NR2C1: variants seen among roughly 807,000 people sequenced by gnomAD.
The protein encoded by NR2C1 is TR2 nuclear hormone receptor.
A neutral mutation model predicts 74.8 loss-of-function variants in NR2C1; 33 were observed. The ratio of observed to expected loss-of-function variants is 0.44; its 90% CI spans 0.33 to 0.59. The LOEUF is 0.59. NR2C1 is among the 20% of genes least tolerant of loss of function. NR2C1 has a pLI of 0.02. For synonymous variants in NR2C1, 225 were observed against 240.6 expected (o/e 0.94, Z 0.60); for missense variants, 568 against 715.6 (o/e 0.79, Z 2.35).
intron 2 of NR2C1, among the ~76,000 whole-genome samples, chr12:95,065,013 G>A (rs1311953498): frequency 1.3e-5 from 2 of 152,108 alleles, no homozygotes; most frequent in Non-Finnish European, 2.9e-5. Flanking sequence ...ACTGCTCCTG[G>A]GTTGAAACAT....
At chr12:95,029,832 C>T (rs1354774363) in intron 11 of NR2C1, among the ~76,000 whole-genome samples, 4 of 152,168 alleles carry the variant, frequency 2.6e-5, no homozygotes, top group African/African-American at 4.8e-5. Flanking sequence ...GCTGGGATTA[C>T]AGGCGTGAGC....
chr12:95,057,831 A>C lies in NR2C1; in HGVS notation c.592T>G (p.Ser198Ala). Residue 198 changes from serine to alanine, a missense_variant, in exon 6 of 14, where the codon TCC becomes GCC. Coordinates refer to ENST00000333003, the MANE Select transcript of NR2C1 (RefSeq NM_003297.4). ...KPIEVSREKS[S>A]NCAASTEKIY... Reference sequence around the variant, plus strand: ...TTTTCTGTTGAAGCGGCACAGTTGGAAGATTTTTCTCGTGATACTTCAATG... The same window carrying C: ...TTTTCTGTTGAAGCGGCACAGTTGGCAGATTTTTCTCGTGATACTTCAATG... 6.2e-7 allele frequency: 1 copy of C among 1,614,080 alleles called. No individual in the cohort carries two copies. The highest frequency in any genetic ancestry group is 8.5e-7 in the Non-Finnish European group (1 of 1,179,940).
At chr12:95,045,014 G>A (rs1368147911) in intron 9 of NR2C1, among the ~76,000 whole-genome samples, 2 of 152,132 alleles carry the variant, frequency 1.3e-5, no homozygotes, top group African/African-American at 4.8e-5. Flanking sequence ...GACCAGCCTG[G>A]GCAACATAGT....
At chr12:95,024,211 TAATAA>T (rs1168270304) in intron 13 of NR2C1, among the ~76,000 whole-genome samples, 1 of 151,896 alleles carries the variant, frequency 6.6e-6, no homozygotes, top group African/African-American at 2.4e-5. Flanking sequence ...TATGCCAAAC[TAATAA>T]AATGTTTTAT....
chr12:95,067,617 T>C (rs1271483283), intron 1 of NR2C1, among the ~76,000 whole-genome samples: 1 of 151,588 alleles, frequency 6.6e-6, no homozygotes, highest in African/African-American at 2.4e-5. Flanking sequence ...GGCTGGAGTG[T>C]AGGGGGCACC....
intron 4 of NR2C1, among the ~76,000 whole-genome samples, chr12:95,058,784 C>T (rs1480340328): frequency 1.3e-5 from 2 of 152,046 alleles, no homozygotes; most frequent in Admixed American, 1.3e-4. Context: ...GCCACCACAC[C>T]CGACCAGTTT....
At chr12:95,069,461 G>A (rs754204235) in intron 1 of NR2C1, among the ~76,000 whole-genome samples, 25 of 152,144 alleles carry the variant, frequency 1.6e-4, no homozygotes, top group Non-Finnish European at 1.5e-5. Flanking sequence ...TGTTAAAACT[G>A]CCTACAGTAC....
rs1282445697 is a variant in NR2C1 at position 95,057,584 on chromosome 12, G to A, written c.752C>T (p.Thr251Ile). Residue 251 changes from threonine to isoleucine, a missense_variant, in exon 7 of 14, where the codon ACT becomes ATT. Around this residue, in one of 6 missense-constraint regions of NR2C1, gnomAD observed 239 missense variants for 232.3 expected, o/e 1.03. Coordinates refer to ENST00000333003, the MANE Select transcript of NR2C1 (RefSeq NM_003297.4). ...FMNIHPSGVK[T>I]ESAVLMTSDK... is the part of the protein sequence containing the mutation. ...TGATGTCATCAGCACAGCTGACTCAGTTTTTACTCCAGATGGATGAATATT... is the reference window on the plus strand; with the variant it reads ...TGATGTCATCAGCACAGCTGACTCAATTTTTACTCCAGATGGATGAATATT... The A allele has an allele frequency of 1.2e-6, 2 of 1,613,866 alleles. No homozygotes were observed. Among genetic ancestry groups the A allele is most frequent in the Non-Finnish European group, 1.7e-6 (2 of 1,179,900 alleles).
intron 9 of NR2C1, among the ~76,000 whole-genome samples, chr12:95,043,415 G>T (rs1871853696): frequency 6.6e-6 from 1 of 152,112 alleles, no homozygotes; most frequent in African/African-American, 2.4e-5. Context: ...AAGGCTAGGC[G>T]TGGTGGCTCA....
intron 9 of NR2C1, among the ~76,000 whole-genome samples, chr12:95,042,292 G>C (rs1030104028): frequency 6.8e-6 from 1 of 147,784 alleles, no homozygotes; most frequent in Non-Finnish European, 1.5e-5. Flanking sequence ...CGTGATCTCA[G>C]CTCTCTGCCC....
chr12:95,070,215 T>A (rs965786486), intron 1 of NR2C1, among the ~76,000 whole-genome samples: 1 of 152,186 alleles, frequency 6.6e-6, no homozygotes, highest in Non-Finnish European at 1.5e-5. Context: ...CACTACAACC[T>A]CTGCCTCCCA....
At chr12:95,060,005 A>G (rs1203416500) in intron 3 of NR2C1, 21 bp from the exon 4 acceptor site, 4 of 1,506,698 alleles carry the variant, frequency 2.7e-6, no homozygotes, top group South Asian at 1.2e-5. Context: ...AAAAAAAAAA[A>G]AAGAAAACAA....
intron 7 of NR2C1, 125 bp from the exon 8 acceptor site, chr12:95,052,068 T>A: frequency 1.8e-6 from 1 of 568,402 alleles, no homozygotes; most frequent in Non-Finnish European, 2.9e-6. Flanking sequence ...CCTGGAAAGT[T>A]AAAGGGCTGA....
Position 95,057,749 on chromosome 12 carries a change from G to A in NR2C1, c.674C>T (p.Thr225Ile). The part of the protein sequence containing the change: ...SPLTATPTFV[T>I]DSESTRSTGL... The stretch of plus-strand genomic sequence containing the variant: ...ACTTTACCTTGTACTTTCACTATCT[G>A]TTACAAAAGTTGGAGTTGCAGTTAA... Residue 225 changes from threonine (T) to isoleucine (I), a missense_variant, in exon 6 of 14, where the codon ACA becomes ATA. Coordinates refer to ENST00000333003, the MANE Select transcript of NR2C1 (RefSeq NM_003297.4). The A allele has an allele frequency of 6.2e-7, 1 of 1,614,040 alleles. No individual in the cohort carries two copies. The highest frequency in any genetic ancestry group is 8.5e-7 in the Non-Finnish European group (1 of 1,179,984).
At chr12:95,037,878 G>C (rs571023213) in intron 10 of NR2C1, among the ~76,000 whole-genome samples, 8 of 134,808 alleles carry the variant, frequency 5.9e-5, no homozygotes, top group African/African-American at 2.2e-4. Flanking sequence ...CTGGGCGACA[G>C]AGCGAGCCTC....
At chr12:95,039,073 C>CA (rs200877318) in intron 10 of NR2C1, among the ~76,000 whole-genome samples, 7 of 151,512 alleles carry the variant, frequency 4.6e-5, no homozygotes, top group East Asian at 3.9e-4. Context: ...ATCTCTTAAA[C>CA]AAAAAAAACC....
At chr12:95,048,924 C>T (rs1872638492) in intron 9 of NR2C1, 144 bp downstream of exon 9, 2 of 768,488 alleles carry the variant, frequency 2.6e-6, no homozygotes, top group Non-Finnish European at 4.1e-6. Context: ...GTGCCTGGCC[C>T]AGATGAGTGT....
intron 3 of NR2C1, among the ~76,000 whole-genome samples, chr12:95,061,640 G>C (rs956802027): frequency 6.6e-6 from 1 of 152,012 alleles, no homozygotes. Flanking sequence ...ACAAAATTTC[G>C]TGTTTTATGA....
At chr12:95,060,667 A>C (rs1019397444) in intron 3 of NR2C1, among the ~76,000 whole-genome samples, 7 of 152,210 alleles carry the variant, frequency 4.6e-5, no homozygotes, top group Non-Finnish European at 7.3e-5. Flanking sequence ...AAACAAAACA[A>C]AACAAAACAA....
Sources: allele counts gnomAD v4.1 joint callset (sites outside exome capture counted in the v4.1 genomes callset), GRCh38; gene constraint gnomAD v4.1.1; regional missense constraint gnomAD v4.1.1; transcripts MANE v1.5; gene names NCBI Gene and HGNC (gene_info 2026-07-23, HGNC 2026-07-21).